Variants in ADAM17 observed in about 807,000 individuals in gnomAD.
ADAM17 encodes ADAM metallopeptidase domain 17.
Under a neutral mutation model 96.7 loss-of-function variants are expected in ADAM17, and 39 were observed. That is an observed-to-expected ratio of 0.40 (90% CI 0.31 to 0.53). The LOEUF is 0.53. ADAM17 is among the 20% of genes least tolerant of loss of function. ADAM17 has a pLI of 0.44. For missense variants in ADAM17, 777 were observed against 1,013.2 expected, an observed-to-expected ratio of 0.77 and a Z score of 3.17; for synonymous variants, 344 against 359.2, an observed-to-expected ratio of 0.96 and a Z score of 0.48.
intron 11 of ADAM17, among the ~76,000 whole-genome samples, chr2:9,509,647 TAAATG>T (rs937438779): frequency 6.6e-6 from 1 of 152,146 alleles, no homozygotes. Context: ...TGACAACTTG[TAAATG>T]AAATGACAAA....
Position 9,535,905 on chromosome 2 carries a change from C to T in ADAM17, c.379G>A (p.Val127Ile), listed in dbSNP as rs1171193399. Residue 127 changes from valine (V) to isoleucine (I), a missense_variant, in exon 4 of 19, where the codon GTT becomes ATT. Coordinates refer to ENST00000310823, the MANE Select transcript of ADAM17 (RefSeq NM_003183.6). ...GHVVGEPDSR[V>I]LAHIRDDDVI... ...TCATCATCTCTTATGTGGGCTAGAA[C>T]CCTAGAGTCAGGCTCACCTTAAGAG... is the stretch of plus-strand genomic sequence containing the variant. 1 of 1,586,950 alleles carries T rather than the reference C, an allele frequency of 6.3e-7. No homozygotes were observed. Among genetic ancestry groups the T allele is most frequent in the Non-Finnish European group, 8.6e-7 (1 of 1,167,768 alleles).
At chr2:9,526,071 AT>A (rs752523908) in intron 6 of ADAM17, 39 bp downstream of exon 6, 118 of 1,530,964 alleles carry the variant, frequency 7.7e-5, no homozygotes, top group South Asian at 3.8e-4. Context: ...ACCCACCCAA[AT>A]TTTTTTTTCA....
chr2:9,517,099 C>T (rs1664094584), intron 10 of ADAM17, among the ~76,000 whole-genome samples: 1 of 152,164 alleles, frequency 6.6e-6, no homozygotes, highest in African/African-American at 2.4e-5. Flanking sequence ...ACAAAGACTT[C>T]CTGCTTGTTC....
chr2:9,494,573 A>T lies in ADAM17; in HGVS notation c.1914+64T>A, dbSNP rs143924169. ...TGATTTGTTTTCATCTGCAAAATCA[A>T]GTACTTACAAAATAAAAACTTCCTA... On this transcript the variant is annotated intron_variant, in intron 15 of 18. Transcript: ENST00000310823. The T allele has an allele frequency of 6.0e-4, 946 of 1,583,318 alleles. 4 individuals carry two copies. In the African/African-American group the frequency reaches 0.011, roughly 19 times the overall value.
intron 8 of ADAM17, among the ~76,000 whole-genome samples, chr2:9,520,169 G>A (rs1159478364): frequency 6.6e-6 from 1 of 152,176 alleles, no homozygotes; most frequent in Non-Finnish European, 1.5e-5. Flanking sequence ...GCAAACTATG[G>A]GATAAATAAG....
At chr2:9,511,296 A>C (rs1213746730) in intron 10 of ADAM17, among the ~76,000 whole-genome samples, 2 of 152,052 alleles carry the variant, frequency 1.3e-5, no homozygotes, top group East Asian at 1.9e-4. Flanking sequence ...TAAAAATACA[A>C]AAAATTAGCT....
Position 9,555,715 on chromosome 2 carries a change from A to C in ADAM17, c.-110T>G. On this transcript the variant is annotated 5_prime_UTR_variant, in exon 1 of 19. It adds an upstream start codon to the 5' untranslated region. Transcript: ENST00000310823. Reference sequence around the variant, plus strand: ...CGGGATCCGCCCGGCCTAGCCCCTCAATCCTCTTTTCCCTCCCGCGCCGCC... The same window carrying C: ...CGGGATCCGCCCGGCCTAGCCCCTCCATCCTCTTTTCCCTCCCGCGCCGCC... 1 of 926,986 alleles carries C rather than the reference A, an allele frequency of 1.1e-6. No individual in the cohort carries two copies. Among genetic ancestry groups the C allele is most frequent in the Admixed American group, 3.3e-5 (1 of 30,702 alleles). 57.4% of individuals were successfully genotyped at this position (926,986 alleles called of 1,614,324 possible).
At chr2:9,532,584 G>A (rs999435408) in intron 4 of ADAM17, among the ~76,000 whole-genome samples, 1 of 151,150 alleles carries the variant, frequency 6.6e-6, no homozygotes, top group African/African-American at 2.4e-5. Context: ...TGATCCTACT[G>A]CTTCAGCATT....
chr2:9,521,162 C>T (rs534092484), intron 8 of ADAM17, 41 bp downstream of exon 8: 2 of 1,430,052 alleles, frequency 1.4e-6, no homozygotes, highest in African/African-American at 1.4e-5. Flanking sequence ...TCAGAAATGA[C>T]AAAGTGGTGT....
intron 12 of ADAM17, among the ~76,000 whole-genome samples, chr2:9,504,455 ATAAAT>A (rs1179780794): frequency 2.7e-5 from 4 of 149,338 alleles, no homozygotes; most frequent in African/African-American, 7.4e-5. Flanking sequence ...AAATAAATAA[ATAAAT>A]TAAATTAAAT....
intron 2 of ADAM17, among the ~76,000 whole-genome samples, chr2:9,537,451 C>T (rs865853121): frequency 6.6e-6 from 1 of 152,134 alleles, no homozygotes; most frequent in African/African-American, 2.4e-5. Context: ...AGTACTCATG[C>T]GGCCGTGCGT....
At chr2:9,503,967 A>G (rs577219047) in intron 12 of ADAM17, among the ~76,000 whole-genome samples, 12 of 152,146 alleles carry the variant, frequency 7.9e-5, no homozygotes, top group Admixed American at 2.0e-4. Context: ...AGCTTGGGCA[A>G]CATGGCAAAA....
chr2:9,510,140 T>A lies in ADAM17; in HGVS notation c.1192-9A>T, dbSNP rs200534037. 5.1e-5 allele frequency: 82 copies of A among 1,613,838 alleles called. No homozygotes were observed. The highest frequency in any genetic ancestry group is 6.0e-5 in the Non-Finnish European group (71 of 1,179,956). On this transcript the variant is annotated splice_polypyrimidine_tract_variant and intron_variant, in intron 10 of 18. Coordinates refer to ENST00000310823, the MANE Select transcript of ADAM17 (RefSeq NM_003183.6). ...GTAACCAGGTCAGCTTCCTTAAGGA[T>A]CATGCAAAGAAAACATTATTTCTCA...
chr2:9,533,089 T>C (rs1664815129), intron 4 of ADAM17, among the ~76,000 whole-genome samples: 1 of 151,758 alleles, frequency 6.6e-6, no homozygotes, highest in Non-Finnish European at 1.5e-5. Flanking sequence ...CTCAAGGGAC[T>C]GAGGCAGGAG....
rs1396926478 is a variant in ADAM17, at chr2:9,543,230, C to T, written c.153G>A (p.Gln51=). ...DYDILSLSNI[Q]QHSVRKRDLQ... is the part of the protein sequence containing the mutation. ...GATCTCTTTTTCTTACCGAATGCTG[C>T]TGGATATTAGATAAAGAGAGAATAT... The change falls in exon 2 of 19, where the codon CAG becomes CAA. Residue 51 remains glutamine (Q), a synonymous_variant. Transcript: ENST00000310823. 6.2e-7 allele frequency: 1 copy of T among 1,608,302 alleles called. No homozygotes were observed. The highest frequency in any genetic ancestry group is 2.2e-5 in the East Asian group (1 of 44,584).
rs751073259 is a variant in ADAM17, at chr2:9,492,909, C to A, written c.2071G>T (p.Val691Phe). 1 of 1,611,480 alleles carries A rather than the reference C, an allele frequency of 6.2e-7. No homozygotes were observed. Among genetic ancestry groups the A allele is most frequent in the Non-Finnish European group, 8.5e-7 (1 of 1,178,630 alleles). ...LIFWIPFSILVHCVDKKLDKQ... is the reference protein window; with the variant it reads ...LIFWIPFSILFHCVDKKLDKQ... The stretch of plus-strand genomic sequence containing the variant: ...AGTTGATGACTTACCACACAATGGA[C>A]AAGAATGCTGAAAGGAATCCAAAAT... The change falls in exon 17 of 19, where the codon GTC (valine) becomes TTC (phenylalanine). Residue 691 changes from valine (V) to phenylalanine (F), a missense_variant. By Grantham distance (50) the Val-to-Phe change is conservative. This residue lies in a region of ADAM17 where 197 missense variants were observed against 219.4 expected (regional missense o/e 0.90). Transcript: ENST00000310823.
chr2:9,531,585 C>T (rs981990725), intron 4 of ADAM17, among the ~76,000 whole-genome samples: 17 of 152,078 alleles, frequency 1.1e-4, no homozygotes, highest in Admixed American at 8.5e-4. Flanking sequence ...GCCTGTAATC[C>T]CAGCTACTTG....
rs1662674281 is a variant in ADAM17, at chr2:9,497,196, GCAAA to G, written c.1697_1700del (p.Val566AlafsTer58). 8 of 1,614,222 alleles carry G rather than the reference GCAAA, an allele frequency of 5.0e-6. No individual in the cohort carries two copies. Among genetic ancestry groups the G allele is most frequent in the Non-Finnish European group, 6.8e-6 (8 of 1,180,040 alleles). On this transcript the variant is annotated frameshift_variant, in exon 14 of 19. Coordinates refer to ENST00000310823, the MANE Select transcript of ADAM17 (RefSeq NM_003183.6). LOFTEE classifies it high-confidence loss of function. Reference sequence around the variant, plus strand: ...CATCCTTACACTTGCCAAGATCCAAGCAAACAGTGTCATCTTCAGCATTTCCTGG... The same window carrying G: ...CATCCTTACACTTGCCAAGATCCAAGCAGTGTCATCTTCAGCATTTCCTGG...
chr2:9,525,829 G>C (rs1306278336), intron 6 of ADAM17, among the ~76,000 whole-genome samples: 1 of 152,184 alleles, frequency 6.6e-6, no homozygotes, highest in African/African-American at 2.4e-5. Context: ...TGTTTTTAAA[G>C]AACTCACTTA....
Sources: allele counts gnomAD v4.1 joint callset (sites outside exome capture counted in the v4.1 genomes callset), GRCh38; gene constraint gnomAD v4.1.1; regional missense constraint gnomAD v4.1.1; transcripts MANE v1.5; gene names NCBI Gene and HGNC (gene_info 2026-07-23, HGNC 2026-07-21).